TMEM131L: variants seen among roughly 807,000 people sequenced by gnomAD.
TMEM131L encodes the protein transmembrane 131 like, also known as transmembrane protein 131-like.
A neutral mutation model predicts 192.2 loss-of-function variants in TMEM131L; 54 were observed. The ratio of observed to expected loss-of-function variants is 0.28; its 90% confidence interval spans 0.23 to 0.35. TMEM131L has a LOEUF of 0.35. Ranked by LOEUF, TMEM131L falls within the 10% of genes least tolerant of loss-of-function variation. TMEM131L has a pLI of 1.00. For missense variants in TMEM131L, 1,888 were observed against 1,972.9 expected, an observed-to-expected ratio of 0.96 and a Z score of 0.82; for synonymous variants, 701 against 704.9, an observed-to-expected ratio of 0.99 and a Z score of 0.09.
At chr4:153,605,575 G>C (rs193226308) in intron 25 of TMEM131L, among the ~76,000 whole-genome samples, 1 of 152,156 alleles carries the variant, frequency 6.6e-6, no homozygotes, top group African/African-American at 2.4e-5. Context: ...CACCATGTTA[G>C]CCAGGCTGAG....
chr4:153,533,258 T>G (rs1736054535), intron 3 of TMEM131L, among the ~76,000 whole-genome samples: 1 of 152,206 alleles, frequency 6.6e-6, no homozygotes, highest in Non-Finnish European at 1.5e-5. Flanking sequence ...GTGCTGGGAT[T>G]ACAGGCGTAA....
At chr4:153,549,735 A>G (rs1365609397) in intron 3 of TMEM131L, among the ~76,000 whole-genome samples, 1 of 152,338 alleles carries the variant, frequency 6.6e-6, no homozygotes, top group East Asian at 1.9e-4. Flanking sequence ...CTTTACTTGT[A>G]TATCATTTCC....
intron 3 of TMEM131L, among the ~76,000 whole-genome samples, chr4:153,501,597 A>G (rs1561136226): frequency 6.6e-6 from 1 of 152,158 alleles, no homozygotes; most frequent in African/African-American, 2.4e-5. Context: ...CAGGTGTTGT[A>G]TTACTTCTTG....
At chr4:153,501,267 G>A (rs966913763) in intron 3 of TMEM131L, among the ~76,000 whole-genome samples, 3 of 148,892 alleles carry the variant, frequency 2.0e-5, no homozygotes, top group African/African-American at 5.0e-5. Context: ...GTGCAGTGGC[G>A]CGATCTTGGC....
At chr4:153,514,946 G>C (rs1734613436) in intron 3 of TMEM131L, among the ~76,000 whole-genome samples, 1 of 151,930 alleles carries the variant, frequency 6.6e-6, no homozygotes, top group African/African-American at 2.4e-5. Flanking sequence ...CGGATAGCTG[G>C]GATTATAGGC....
At chr4:153,586,447 G>C in intron 14 of TMEM131L, 68 bp downstream of exon 14, 4 of 1,208,860 alleles carry the variant, frequency 3.3e-6, no homozygotes, top group South Asian at 1.6e-5. Flanking sequence ...TTAACCTTTA[G>C]TGCTTGAGTT....
chr4:153,542,409 A>T (rs1361566859), intron 3 of TMEM131L, among the ~76,000 whole-genome samples: 3 of 150,848 alleles, frequency 2.0e-5, no homozygotes, highest in East Asian at 2.0e-4. Flanking sequence ...CGTTGCAGAG[A>T]GGGCTGGGGC....
At chr4:153,603,547 A>T in intron 24 of TMEM131L, 95 bp downstream of exon 24, 1 of 1,378,840 alleles carries the variant, frequency 7.3e-7, no homozygotes, top group Non-Finnish European at 9.8e-7. Context: ...ATAAATTTTG[A>T]TTCTACATTT....
At chr4:153,559,163 T>C (rs1220991458) in intron 7 of TMEM131L, among the ~76,000 whole-genome samples, 3 of 152,206 alleles carry the variant, frequency 2.0e-5, no homozygotes, top group Non-Finnish European at 2.9e-5. Flanking sequence ...GTCTAGAGTT[T>C]GTATCTGCGT....
At chr4:153,583,053 T>C in intron 9 of TMEM131L, 137 bp from the exon 10 acceptor site, 1 of 616,858 alleles carries the variant, frequency 1.6e-6, no homozygotes, top group Non-Finnish European at 2.9e-6. Context: ...ATTTCAGTTT[T>C]GAGAAACAAG....
At chr4:153,564,054 C>T (rs1191108235) in intron 7 of TMEM131L, among the ~76,000 whole-genome samples, 5 of 151,636 alleles carry the variant, frequency 3.3e-5, no homozygotes, top group African/African-American at 7.3e-5. Context: ...TTTGGGAGGC[C>T]GAGGTGGGCA....
chr4:153,523,182 T>C (rs762110253), intron 3 of TMEM131L, among the ~76,000 whole-genome samples: 6 of 152,250 alleles, frequency 3.9e-5, no homozygotes, highest in Non-Finnish European at 7.3e-5. Context: ...ATCTGAAATA[T>C]AGTTTCTTGT....
chr4:153,635,390 T>C lies in TMEM131L; in HGVS notation c.4418-42T>C, dbSNP rs760742921. 25 of 1,599,738 alleles carry C rather than the reference T, an allele frequency of 1.6e-5. No homozygotes were observed. In the African/African-American group the frequency reaches 3.2e-4, roughly 21 times the overall value. ...CTGAGAGTGAGAATTCAGTTCTCAA[T>C]GAAAATGTTTACCTATGATGATATT... On this transcript the variant is annotated intron_variant, in intron 33 of 34. Transcript: ENST00000409959.
Position 153,539,492 on chromosome 4 carries a change from A to ATTTTTT in TMEM131L, c.240-10560_240-10555dup, listed in dbSNP as rs750436196. ...TAAAAACATTATGTTCAGAGGCTAG[A>ATTTTTT]TTTTTTTTTTTTTTTTTTTTTTTTT... On this transcript the variant is annotated intron_variant, in intron 3 of 34. Transcript: ENST00000409959. Among the ~76,000 whole-genome samples the ATTTTTT allele has an allele frequency of 1.9e-4, 21 of 110,812 alleles. 1 individual carries two copies. Among genetic ancestry groups the ATTTTTT allele is most frequent in the African/African-American group, 6.5e-4 (17 of 26,226 alleles). The allele number at this position is 110,812 out of a possible 152,430, so 72.7% of individuals were successfully genotyped here. A position where few individuals can be genotyped will look rare whatever the true frequency, so the allele number is the denominator to read the frequency against.
At chr4:153,482,829 A>G (rs1057006039) in intron 3 of TMEM131L, among the ~76,000 whole-genome samples, 1 of 152,150 alleles carries the variant, frequency 6.6e-6, no homozygotes, top group African/African-American at 2.4e-5. Context: ...TAACTCAAGC[A>G]GTCCTCTTGT....
At chr4:153,502,082 G>C (rs1733651415) in intron 3 of TMEM131L, among the ~76,000 whole-genome samples, 1 of 151,180 alleles carries the variant, frequency 6.6e-6, no homozygotes, top group African/African-American at 2.4e-5. Context: ...CTCACAAGTA[G>C]CTGGGACCAC....
chr4:153,549,856 A>G (rs1374037780), intron 3 of TMEM131L, among the ~76,000 whole-genome samples: 1 of 152,220 alleles, frequency 6.6e-6, no homozygotes, highest in African/African-American at 2.4e-5. Context: ...AAATCTGTAC[A>G]TTTGATATGA....
rs764864378 is a variant in TMEM131L at position 153,603,997 on chromosome 4, C to G, written c.2985C>G (p.Ala995=). The G allele has an allele frequency of 1.1e-5, 17 of 1,613,976 alleles. No individual in the cohort carries two copies. The Admixed American group carries it at 2.8e-4, about 27-fold the overall frequency. ...YSKHKTSTAA[A]SSTSTTTEEK... is the part of the protein sequence containing the mutation. ...AACACAAAACCAGCACAGCTGCGGC[C>G]AGCAGCACCAGCACGACTACTGAGG... Residue 995 remains alanine (A), a synonymous_variant, in exon 25 of 35, where the codon GCC becomes GCG. Transcript: ENST00000409959.
In TMEM131L at chr4:153,596,366, A is replaced by G. The variant is rs777040575; in HGVS notation, c.2104A>G (p.Thr702Ala). The change falls in exon 20 of 35, where the codon ACC becomes GCC. Residue 702 changes from threonine (T) to alanine (A), a missense_variant. Thr to Ala is a moderately conservative substitution (Grantham distance 58). Coordinates refer to ENST00000409959, the MANE Select transcript of TMEM131L (RefSeq NM_001131007.2). Reference protein sequence around the residue: ...VFTPADYGKVTSLILIRNNLT... With the variant: ...VFTPADYGKVASLILIRNNLT... ...CACACCTGCTGACTATGGAAAAGTT[A>G]CCTCACTCATACTAATCCGGTAGGT... is the stretch of plus-strand genomic sequence containing the variant. 6.2e-7 allele frequency: 1 copy of G among 1,613,870 alleles called. No individual in the cohort carries two copies. Among genetic ancestry groups the G allele is most frequent in the South Asian group, 1.1e-5 (1 of 91,088 alleles).
Sources: gnomAD v4.1 joint callset for allele counts (sites outside exome capture counted in the v4.1 genomes callset) on GRCh38, gnomAD v4.1.1 for gene constraint, MANE v1.5 for transcripts, NCBI Gene and HGNC (gene_info 2026-07-23, HGNC 2026-07-21) for gene names.